GABRA5: variants seen among roughly 807,000 people sequenced by gnomAD.
GABRA5 encodes the protein gamma-aminobutyric acid receptor subunit alpha-5.
Under a neutral mutation model 47.3 loss-of-function variants are expected in GABRA5, and 18 were observed. That is an observed-to-expected ratio of 0.38 (90% confidence interval 0.26 to 0.56). The LOEUF (loss-of-function observed/expected upper bound fraction) is 0.56. GABRA5 is among the 20% of genes least tolerant of loss of function. The pLI is 0.71. For missense variants in GABRA5, 365 were observed against 599.3 expected, an observed-to-expected ratio of 0.61 and a Z score of 4.08; for synonymous variants, 237 against 229.3, an observed-to-expected ratio of 1.03 and a Z score of -0.30.
At chr15:26,892,851 G>A (rs1893042545) in intron 6 of GABRA5, among the ~76,000 whole-genome samples, 2 of 152,166 alleles carry the variant, frequency 1.3e-5, no homozygotes. Flanking sequence ...AGTTGTGCGG[G>A]GAGGATGGAG....
chr15:26,905,036 A>G (rs1893410626), intron 6 of GABRA5, among the ~76,000 whole-genome samples: 1 of 152,106 alleles, frequency 6.6e-6, no homozygotes, highest in South Asian at 2.1e-4. Context: ...GTCTTGTGCC[A>G]GTTTTCAAGG....
chr15:26,896,457 A>T (rs987739307), intron 6 of GABRA5, among the ~76,000 whole-genome samples: 1 of 152,194 alleles, frequency 6.6e-6, no homozygotes, highest in African/African-American at 2.4e-5. Context: ...ATTGGATATT[A>T]CTATGGGCTG....
At chr15:26,922,578 G>T (rs1364930578) in intron 7 of GABRA5, among the ~76,000 whole-genome samples, 1 of 152,072 alleles carries the variant, frequency 6.6e-6, no homozygotes, top group Admixed American at 6.6e-5. Context: ...TGAATGAAAT[G>T]TTAAGGCTTA....
intron 6 of GABRA5, among the ~76,000 whole-genome samples, chr15:26,911,316 C>T (rs930474295): frequency 1.3e-5 from 2 of 151,266 alleles, no homozygotes; most frequent in African/African-American, 4.9e-5. Context: ...TTAGATCCAG[C>T]TAAATGCTGT....
chr15:26,933,398 A>T (rs1269652371), intron 7 of GABRA5, among the ~76,000 whole-genome samples: 3 of 152,230 alleles, frequency 2.0e-5, no homozygotes, highest in African/African-American at 7.2e-5. Flanking sequence ...AAGGTAAAAA[A>T]GCCAATTGGA....
intron 7 of GABRA5, among the ~76,000 whole-genome samples, chr15:26,934,245 GT>G (rs1298822692): frequency 1.1e-5 from 1 of 87,378 alleles, no homozygotes; most frequent in East Asian, 4.4e-4. Context: ...GAAAGAGAAT[GT>G]TTAAAAAAAA....
At chr15:26,919,931 C>T (rs1323035482) in intron 7 of GABRA5, among the ~76,000 whole-genome samples, 2 of 148,744 alleles carry the variant, frequency 1.3e-5, no homozygotes, top group Non-Finnish European at 3.0e-5. Context: ...TTTATCATTC[C>T]CTGCTGTCCT....
chr15:26,896,809 G>A (rs1893203963), intron 6 of GABRA5, among the ~76,000 whole-genome samples: 1 of 152,138 alleles, frequency 6.6e-6, no homozygotes, highest in African/African-American at 2.4e-5. Flanking sequence ...TCATCACCAA[G>A]TTGGCCCAAG....
intron 6 of GABRA5, among the ~76,000 whole-genome samples, chr15:26,898,630 G>A (rs1465681694): frequency 6.6e-6 from 1 of 152,044 alleles, no homozygotes; most frequent in East Asian, 1.9e-4. Context: ...CATTCCCTCT[G>A]ACCTGCCTGT....
chr15:26,920,365 C>A (rs1161994858), intron 7 of GABRA5, among the ~76,000 whole-genome samples: 1 of 151,656 alleles, frequency 6.6e-6, no homozygotes, highest in African/African-American at 2.4e-5. Context: ...ATTGATCTTT[C>A]CTTCTACTTG....
intron 6 of GABRA5, among the ~76,000 whole-genome samples, chr15:26,901,257 C>T (rs889539215): frequency 6.6e-6 from 1 of 152,102 alleles, no homozygotes; most frequent in Non-Finnish European, 1.5e-5. Context: ...GTAGCTGAAC[C>T]AATTTGCATT....
intron 7 of GABRA5, among the ~76,000 whole-genome samples, chr15:26,931,191 G>T (rs193159568): frequency 6.6e-6 from 1 of 152,122 alleles, no homozygotes; most frequent in Admixed American, 6.5e-5. Flanking sequence ...AAGCCACTGC[G>T]CCCGGCCGCC....
At chr15:26,947,337 T>G (rs962077490) in intron 10 of GABRA5, among the ~76,000 whole-genome samples, 1 of 152,188 alleles carries the variant, frequency 6.6e-6, no homozygotes, top group African/African-American at 2.4e-5. Context: ...TACCTAATAG[T>G]TATTTTTCTG....
At chr15:26,884,034 AG>A (rs1892812978) in intron 6 of GABRA5, among the ~76,000 whole-genome samples, 1 of 151,868 alleles carries the variant, frequency 6.6e-6, no homozygotes, top group Non-Finnish European at 1.5e-5. Flanking sequence ...AAAACAAAAA[AG>A]AAATTCACCC....
rs185453596 is a variant in GABRA5 at position 26,891,488 on chromosome 15, C to G, written c.497+7931C>G. Among the ~76,000 whole-genome samples the G allele has an allele frequency of 2.6e-5, 4 of 152,326 alleles. No individual in the cohort carries two copies. In the East Asian group the frequency reaches 7.7e-4, roughly 29 times the overall value. ...TATATAGCAAGCATGCAACAGGAAG[C>G]TAGCTATGCGCGCTATTCAGCCATG... On this transcript the variant is annotated intron_variant, in intron 6 of 10. Coordinates refer to ENST00000335625, the MANE Select transcript of GABRA5 (RefSeq NM_000810.4).
rs528337811 is a variant in GABRA5 at position 26,913,111 on chromosome 15, G to A, written c.498-1692G>A. ...AGGCAGGAGAATTGCTTGAACCCGG[G>A]AGTGGAGATTGTGGTGTGGCAAGAT... On this transcript the variant is annotated intron_variant, in intron 6 of 10. Transcript: ENST00000335625. Among the ~76,000 whole-genome samples, 1,292 of 151,238 alleles carry A rather than the reference G, an allele frequency of 8.5e-3. 20 individuals are homozygous for A. Among genetic ancestry groups the A allele is most frequent in the Non-Finnish European group, 9.3e-3 (632 of 67,890 alleles).
intron 6 of GABRA5, among the ~76,000 whole-genome samples, chr15:26,894,762 T>A (rs1301598825): frequency 5.9e-5 from 9 of 152,110 alleles, no homozygotes; most frequent in Admixed American, 5.9e-4. Context: ...TGGAACTCAG[T>A]TCTGGGACCT....
chr15:26,939,513 C>G, intron 8 of GABRA5: 1 of 690,798 alleles, frequency 1.4e-6, no homozygotes, highest in Non-Finnish European at 2.6e-6. Flanking sequence ...CCTGGAGCCT[C>G]TAGACTGGAA....
chr15:26,872,099 C>T (rs369986311), intron 3 of GABRA5, among the ~76,000 whole-genome samples: 61 of 152,212 alleles, frequency 4.0e-4, no homozygotes, highest in African/African-American at 1.3e-3. Context: ...TACATCAAGC[C>T]CCTATTTATT....
Sources: gnomAD v4.1 joint callset for allele counts (sites outside exome capture counted in the v4.1 genomes callset) on GRCh38, gnomAD v4.1.1 for gene constraint, MANE v1.5 for transcripts, NCBI Gene and HGNC (gene_info 2026-07-23, HGNC 2026-07-21) for gene names.